The following KCNU1 variants were observed in gnomAD, a reference collection of about 807,000 sequenced individuals.
The protein encoded by KCNU1 is potassium calcium-activated channel subfamily U member 1.
KCNU1 carries 93 observed loss-of-function variants against 126.8 expected under a neutral mutation model. That is an observed-to-expected ratio of 0.73 (90% CI 0.62 to 0.87). The LOEUF (loss-of-function observed/expected upper bound fraction) is 0.87. Ranked by LOEUF, KCNU1 falls within the 40% of genes least tolerant of loss-of-function variation. KCNU1 has a pLI of 0.00. For synonymous variants in KCNU1, 523 were observed against 494.2 expected (o/e 1.06, Z -0.77); for missense variants, 1,330 against 1,367.1 (o/e 0.97, Z 0.43).
chr8:36,909,929 C>T (rs1807799882), intron 21 of KCNU1, among the ~76,000 whole-genome samples: 1 of 152,160 alleles, frequency 6.6e-6, no homozygotes, highest in Non-Finnish European at 1.5e-5. Context: ...TACTGGCCAG[C>T]ATTTGTGCTC....
chr8:36,805,376 C>A (rs539848625), intron 4 of KCNU1, 91 bp downstream of exon 4: 4 of 778,794 alleles, frequency 5.1e-6, no homozygotes, highest in Non-Finnish European at 8.6e-6. Context: ...ACAATCTGCC[C>A]GAGTTTTCAA....
rs762423355 is a variant in KCNU1 at position 36,864,360 on chromosome 8, GT to G, written c.1892-43del. ...AAGGGGAATATTCCAACAATCCCTT[GT>G]GAAGAGATGTGCCAACTCACTGAGA... On this transcript the variant is annotated intron_variant, in intron 18 of 26. Coordinates refer to ENST00000399881, the MANE Select transcript of KCNU1 (RefSeq NM_001031836.3). The G allele has an allele frequency of 2.6e-6, 3 of 1,161,872 alleles. No individual in the cohort carries two copies. In the African/African-American group the frequency reaches 4.5e-5, roughly 18 times the overall value. The allele number at this position is 1,161,872 out of a possible 1,614,324, so 72.0% of individuals were successfully genotyped here.
At chr8:36,912,155 A>G (rs1807899485) in intron 22 of KCNU1, among the ~76,000 whole-genome samples, 1 of 152,178 alleles carries the variant, frequency 6.6e-6, no homozygotes, top group African/African-American at 2.4e-5. Flanking sequence ...CCCACTTTGC[A>G]TGGCACTTGA....
chr8:36,813,412 T>G (rs1205344864), intron 7 of KCNU1, among the ~76,000 whole-genome samples: 1 of 151,586 alleles, frequency 6.6e-6, no homozygotes, highest in Non-Finnish European at 1.5e-5. Context: ...AGAAAATATG[T>G]GAGCTGAGGA....
chr8:36,817,632 C>G lies in KCNU1; in HGVS notation c.996-18C>G. 7.2e-7 allele frequency: 1 copy of G among 1,391,282 alleles called. No individual in the cohort carries two copies. The highest frequency in any genetic ancestry group is 1.0e-6 in the Non-Finnish European group (1 of 977,756). 86.2% of individuals were successfully genotyped at this position (1,391,282 alleles called of 1,614,324 possible). ...TATGTGCCTCGGATGATCCACCTCA[C>G]CTGTTTTTGCTGCCTAGGTTTATTG... On this transcript the variant is annotated intron_variant, in intron 9 of 26. Coordinates refer to ENST00000399881, the MANE Select transcript of KCNU1 (RefSeq NM_001031836.3).
intron 22 of KCNU1, among the ~76,000 whole-genome samples, chr8:36,914,429 G>A (rs947452834): frequency 5.9e-5 from 9 of 152,192 alleles, no homozygotes; most frequent in Non-Finnish European, 1.2e-4. Context: ...GAAAATGTCA[G>A]CAGTACCAAG....
At chr8:36,923,447 G>C (rs1808433491) in intron 24 of KCNU1, among the ~76,000 whole-genome samples, 1 of 152,160 alleles carries the variant, frequency 6.6e-6, no homozygotes, top group Admixed American at 6.5e-5. Context: ...TCTCAGGGAA[G>C]GCGATGTTGA....
At chr8:36,851,299 G>A (rs1805334142) in intron 18 of KCNU1, among the ~76,000 whole-genome samples, 1 of 152,060 alleles carries the variant, frequency 6.6e-6, no homozygotes, top group East Asian at 1.9e-4. Context: ...TGATTATGGG[G>A]ATGGTTTCCC....
chr8:36,886,352 G>A (rs1806703129), intron 19 of KCNU1, among the ~76,000 whole-genome samples: 1 of 152,126 alleles, frequency 6.6e-6, no homozygotes, highest in African/African-American at 2.4e-5. Flanking sequence ...AATGCAAAAA[G>A]CCAAAAACAA....
At chr8:36,826,667 T>C (rs567330829) in intron 10 of KCNU1, among the ~76,000 whole-genome samples, 1 of 152,190 alleles carries the variant, frequency 6.6e-6, no homozygotes, top group Non-Finnish European at 1.5e-5. Context: ...AAGTTTTCAG[T>C]TTCAGTTATT....
intron 4 of KCNU1, among the ~76,000 whole-genome samples, chr8:36,805,701 A>G (rs1043017504): frequency 1.3e-5 from 2 of 152,132 alleles, no homozygotes; most frequent in Non-Finnish European, 2.9e-5. Flanking sequence ...TCATTTGTTA[A>G]ATATTTCTCT....
intron 24 of KCNU1, 102 bp downstream of exon 24, chr8:36,922,731 GTT>G (rs1357052591): frequency 5.8e-6 from 7 of 1,216,550 alleles, no homozygotes; most frequent in Non-Finnish European, 6.8e-6. Flanking sequence ...ACAGTTCTAA[GTT>G]CTCTTTGATT....
At chr8:36,909,614 G>T (rs920726752) in intron 21 of KCNU1, 79 bp downstream of exon 21, 1 of 857,504 alleles carries the variant, frequency 1.2e-6, no homozygotes, top group Non-Finnish European at 1.9e-6. Flanking sequence ...TGATAATATT[G>T]CAGTTCTACA....
intron 19 of KCNU1, among the ~76,000 whole-genome samples, chr8:36,870,559 A>G (rs74633966): frequency 5.9e-4 from 90 of 152,256 alleles, no homozygotes; most frequent in African/African-American, 2.1e-3. Context: ...GAGTCCACCT[A>G]GTGGGGGCAG....
chr8:36,889,419 C>T (rs78935591), intron 19 of KCNU1: 3 of 333,690 alleles, frequency 9.0e-6, no homozygotes, highest in East Asian at 8.1e-5. Flanking sequence ...TCATCTTGAG[C>T]TTTTTAATTG....
chr8:36,912,416 G>T (rs977233736), intron 22 of KCNU1, among the ~76,000 whole-genome samples: 4 of 152,182 alleles, frequency 2.6e-5, no homozygotes, highest in Admixed American at 1.3e-4. Flanking sequence ...GTTTCAGGGT[G>T]TTTTCCAAAG....
At chr8:36,903,924 C>T (rs527684440) in intron 19 of KCNU1, among the ~76,000 whole-genome samples, 1 of 152,204 alleles carries the variant, frequency 6.6e-6, no homozygotes, top group South Asian at 2.1e-4. Context: ...TATCACCAGA[C>T]CAGCACGAGG....
intron 19 of KCNU1, among the ~76,000 whole-genome samples, chr8:36,892,942 C>T (rs189877702): frequency 6.6e-6 from 1 of 151,810 alleles, no homozygotes; most frequent in East Asian, 1.9e-4. Context: ...CCTTTTAATA[C>T]CCTCTATAGA....
chr8:36,816,968 A>C (rs979825984), intron 9 of KCNU1, among the ~76,000 whole-genome samples: 17 of 152,068 alleles, frequency 1.1e-4, no homozygotes, highest in Non-Finnish European at 1.8e-4. Flanking sequence ...ACAACAACAA[A>C]AAACCCTCTC....
Sources: allele counts gnomAD v4.1 joint callset (sites outside exome capture counted in the v4.1 genomes callset), GRCh38; gene constraint gnomAD v4.1.1; transcripts MANE v1.5; gene names NCBI Gene and HGNC (gene_info 2026-07-23, HGNC 2026-07-21).